Variants in CIT observed in about 807,000 individuals in gnomAD.
The protein encoded by CIT is citron rho-interacting serine/threonine kinase.
A neutral mutation model predicts 272.7 loss-of-function variants in CIT; 79 were observed. That is an observed-to-expected ratio of 0.29 (90% CI 0.24 to 0.35). CIT has a LOEUF of 0.35. CIT is among the 10% of genes least tolerant of loss of function. CIT has a pLI of 1.00. For synonymous variants in CIT, 948 were observed against 995.6 expected (o/e 0.95, Z 0.90); for missense variants, 1,909 against 2,618.3 (o/e 0.73, Z 5.91).
At chr12:119,729,998 G>A (rs763576412) in intron 27 of CIT, among the ~76,000 whole-genome samples, 3 of 152,120 alleles carry the variant, frequency 2.0e-5, no homozygotes, top group Non-Finnish European at 2.9e-5. Flanking sequence ...AGAGGCACAT[G>A]GATGGAACAC....
At chr12:119,745,502 C>A (rs1174994811) in intron 23 of CIT, among the ~76,000 whole-genome samples, 1 of 150,056 alleles carries the variant, frequency 6.7e-6, no homozygotes, top group Admixed American at 6.7e-5. Context: ...AATTTGACAC[C>A]AGCAAACCTG....
intron 13 of CIT, 27 bp from the exon 14 acceptor site, chr12:119,776,869 A>G: frequency 6.2e-7 from 1 of 1,611,236 alleles, no homozygotes; most frequent in East Asian, 2.2e-5. Context: ...GAAATAAAAG[A>G]GAACTTTCGA....
At chr12:119,695,362 G>A (rs1328569998) in intron 46 of CIT, among the ~76,000 whole-genome samples, 1 of 152,050 alleles carries the variant, frequency 6.6e-6, no homozygotes, top group African/African-American at 2.4e-5. Flanking sequence ...GCCTAGCGAC[G>A]CTCCGTGGAA....
In CIT at chr12:119,815,087, C is replaced by CCA. The variant is rs781036533; in HGVS notation, c.1111+7731_1111+7732dup. On this transcript the variant is annotated intron_variant, in intron 9 of 47. Coordinates refer to ENST00000392521, the MANE Select transcript of CIT (RefSeq NM_001206999.2). Reference sequence around the variant, plus strand: ...AAACGAATATGTGCGTGCTCACATACCACACACACACACACACAACACACA... The same window carrying CCA: ...AAACGAATATGTGCGTGCTCACATACCACACACACACACACACACAACACACA... Among the ~76,000 whole-genome samples, 136 of 103,064 alleles carry CCA rather than the reference C, an allele frequency of 1.3e-3. 2 individuals are homozygous for CCA. The highest frequency in any genetic ancestry group is 4.3e-3 in the Middle Eastern group (1 of 232). The allele number at this position is 103,064 out of a possible 152,430, so 67.6% of individuals were successfully genotyped here. A position where few individuals can be genotyped will look rare whatever the true frequency, so the allele number is the denominator to read the frequency against.
At chr12:119,691,767 G>C (rs1380269778) in intron 46 of CIT, among the ~76,000 whole-genome samples, 1 of 152,190 alleles carries the variant, frequency 6.6e-6, no homozygotes, top group African/African-American at 2.4e-5. Flanking sequence ...TACAAACACA[G>C]AGAGAACTGA....
chr12:119,728,530 C>T lies in CIT; in HGVS notation c.3563G>A (p.Arg1188Gln), dbSNP rs981841555. ...TTCCAGAAGCCTCTGTTTGAGCTCT[C>T]GTTCAGTCTCCAGCTTCTGCTGTAA... is the stretch of plus-strand genomic sequence containing the variant. ...RSLQQKLETE[R>Q]ELKQRLLEEQ... The change falls in exon 28 of 48, where the codon CGA becomes CAA. Residue 1188 changes from arginine to glutamine, a missense_variant. This residue lies in a region of CIT where 530 missense variants were observed against 822.4 expected (regional missense o/e 0.64). Transcript: ENST00000392521. This position sits in a 1 kb window ranked among gnomAD's most constrained non-coding sequence, Gnocchi z 4.3. The T allele has an allele frequency of 3.1e-6, 5 of 1,613,156 alleles. No homozygotes were observed. The highest frequency in any genetic ancestry group is 1.1e-5 in the South Asian group (1 of 90,930).
At chr12:119,775,993 AG>A (rs1189192682) in intron 15 of CIT, among the ~76,000 whole-genome samples, 154 bp from the exon 16 acceptor site, 1 of 152,238 alleles carries the variant, frequency 6.6e-6, no homozygotes, top group Non-Finnish European at 1.5e-5. Context: ...GTGGCCTCTC[AG>A]GGAAGACTTT....
chr12:119,726,607 A>G (rs1265335506), intron 28 of CIT, among the ~76,000 whole-genome samples: 1 of 152,064 alleles, frequency 6.6e-6, no homozygotes, highest in African/African-American at 2.4e-5. Context: ...GTGCCTCAGG[A>G]GCTATGGGTA....
chr12:119,804,051 G>A lies in CIT; in HGVS notation c.1112-662C>T. ...CGCAATCATGCCCATCAAATCCACTGCAGTTTAATCAGCATAATGAAGCAC... is the reference window on the plus strand; with the variant it reads ...CGCAATCATGCCCATCAAATCCACTACAGTTTAATCAGCATAATGAAGCAC... On this transcript the variant is annotated intron_variant, in intron 9 of 47. Transcript: ENST00000392521. This position sits in a 1 kb window ranked among gnomAD's most constrained non-coding sequence, Gnocchi z 5.3. The A allele has an allele frequency of 2.1e-6, 1 of 485,916 alleles. No individual in the cohort carries two copies. Among genetic ancestry groups the A allele is most frequent in the Non-Finnish European group, 2.7e-6 (1 of 374,834 alleles). 30.1% of individuals were successfully genotyped at this position (485,916 alleles called of 1,614,324 possible). A position where few individuals can be genotyped will look rare whatever the true frequency, so the allele number is the denominator to read the frequency against.
chr12:119,867,846 G>A (rs1166770141), intron 3 of CIT, among the ~76,000 whole-genome samples: 1 of 152,144 alleles, frequency 6.6e-6, no homozygotes, highest in East Asian at 1.9e-4. Context: ...CAGGGTGAAG[G>A]CAAGGCCAAT....
At chr12:119,744,475 C>G (rs1959179985) in intron 23 of CIT, among the ~76,000 whole-genome samples, 1 of 151,292 alleles carries the variant, frequency 6.6e-6, no homozygotes, top group South Asian at 2.1e-4. Flanking sequence ...GTAATCCCAG[C>G]ACTTTGGGAA....
intron 5 of CIT, among the ~76,000 whole-genome samples, chr12:119,847,661 C>A (rs541950437): frequency 6.6e-6 from 1 of 152,024 alleles, no homozygotes; most frequent in Non-Finnish European, 1.5e-5. Context: ...GAGGCCAAGG[C>A]GGGCAGATCA....
At chr12:119,692,277 C>T (rs946344666) in intron 46 of CIT, among the ~76,000 whole-genome samples, 7 of 152,164 alleles carry the variant, frequency 4.6e-5, no homozygotes, top group African/African-American at 1.4e-4. Flanking sequence ...GGCAAGACCC[C>T]GCTTCTAAAA....
intron 5 of CIT, among the ~76,000 whole-genome samples, chr12:119,845,276 A>G (rs1040563452): frequency 6.6e-6 from 1 of 151,994 alleles, no homozygotes; most frequent in Non-Finnish European, 1.5e-5. Context: ...TAGCACAGAA[A>G]CCCACAGACA....
At chr12:119,760,836 AGAAG>A in intron 20 of CIT, 99 bp downstream of exon 20, 1 of 796,926 alleles carries the variant, frequency 1.3e-6, no homozygotes, top group Non-Finnish European at 2.2e-6. Flanking sequence ...AGGATTCAAC[AGAAG>A]GAATTTCACC....
At chr12:119,789,993 G>T (rs769626404) in intron 10 of CIT, among the ~76,000 whole-genome samples, 6 of 151,734 alleles carry the variant, frequency 4.0e-5, no homozygotes, top group Non-Finnish European at 8.8e-5. Context: ...GGATTACAGG[G>T]GTGAGCCACT....
In CIT at chr12:119,728,690, C is replaced by T. The variant is rs1457783478; in HGVS notation, c.3487-84G>A. The T allele has an allele frequency of 4.3e-5, 41 of 943,042 alleles. No individual in the cohort carries two copies. The highest frequency in any genetic ancestry group is 5.6e-5 in the Non-Finnish European group (34 of 608,406). 58.4% of individuals were successfully genotyped at this position (943,042 alleles called of 1,614,324 possible). On this transcript the variant is annotated intron_variant, in intron 27 of 47. Coordinates refer to ENST00000392521, the MANE Select transcript of CIT (RefSeq NM_001206999.2). The surrounding 1 kb of genome is among the most constrained non-coding windows in gnomAD (Gnocchi z 4.3). ...GTTTATGAATGTCCACGAACCTTCA[C>T]GGAGAAAGAATATTGAGTTCTAAAG...
In CIT at chr12:119,834,257, T is replaced by C. The variant is rs759691669; in HGVS notation, c.517-29A>G. On this transcript the variant is annotated intron_variant, in intron 5 of 47. Transcript: ENST00000392521. ...TATAGAATGCCAAAGTTATTAATTC[T>C]TCACACACCCAAAAATAGGGAATGC... The C allele has an allele frequency of 6.4e-6, 10 of 1,556,666 alleles. No individual in the cohort carries two copies. The African/African-American group carries it at 1.2e-4, about 19-fold the overall frequency.
At chr12:119,840,842 G>T (rs542124512) in intron 5 of CIT, among the ~76,000 whole-genome samples, 75 of 152,280 alleles carry the variant, frequency 4.9e-4, no homozygotes, top group Middle Eastern at 6.8e-3. Flanking sequence ...ACTATCATAA[G>T]CTGCCACATT....
Sources: gnomAD v4.1 joint callset for allele counts (sites outside exome capture counted in the v4.1 genomes callset) on GRCh38, gnomAD v4.1.1 for gene constraint, gnomAD v4.1.1 regional missense constraint, Gnocchi (gnomAD v3.1) non-coding constraint, MANE v1.5 for transcripts, NCBI Gene and HGNC (gene_info 2026-07-23, HGNC 2026-07-21) for gene names.